OLFM3: variants seen among roughly 807,000 people sequenced by gnomAD.
OLFM3 encodes the protein noelin-3.
Under a neutral mutation model 48.6 loss-of-function variants are expected in OLFM3, and 20 were observed. The observed-to-expected ratio is 0.41, with a 90% CI of 0.29 to 0.60. The LOEUF (loss-of-function observed/expected upper bound fraction) is 0.60, where lower values mean the gene tolerates loss of function less well. Ranked by LOEUF, OLFM3 falls within the 20% of genes least tolerant of loss-of-function variation. The pLI is 0.28. For missense variants in OLFM3, 437 were observed against 544.3 expected, an observed-to-expected ratio of 0.80 and a Z score of 1.96; for synonymous variants, 222 against 198.1, an observed-to-expected ratio of 1.12 and a Z score of -1.01.
At chr1:101,938,489 T>C (rs1659690779) in intron 1 of OLFM3, among the ~76,000 whole-genome samples, 1 of 152,238 alleles carries the variant, frequency 6.6e-6, no homozygotes, top group South Asian at 2.1e-4. Flanking sequence ...CTTCTGATGT[T>C]CTACCTTGTG....
At chr1:101,915,567 T>C (rs2101032592) in intron 1 of OLFM3, among the ~76,000 whole-genome samples, 1 of 152,248 alleles carries the variant, frequency 6.6e-6, no homozygotes, top group African/African-American at 2.4e-5. Context: ...ATATCTCTCC[T>C]CTCTTAGTAG....
chr1:101,983,366 G>C (rs896275831), intron 1 of OLFM3, among the ~76,000 whole-genome samples: 4 of 152,050 alleles, frequency 2.6e-5, no homozygotes, highest in African/African-American at 9.7e-5. Context: ...TTCTGCTATA[G>C]GTCCCCCACT....
At chr1:101,949,389 T>C (rs1218524611) in intron 1 of OLFM3, among the ~76,000 whole-genome samples, 1 of 152,184 alleles carries the variant, frequency 6.6e-6, no homozygotes, top group African/African-American at 2.4e-5. Flanking sequence ...AAATATCACG[T>C]ACATGCTGAG....
At chr1:101,935,035 C>T (rs114607480) in intron 1 of OLFM3, among the ~76,000 whole-genome samples, 2,867 of 151,866 alleles carry the variant, frequency 0.019, 87 homozygotes, top group African/African-American at 0.065. Context: ...CTCAAATTAA[C>T]GACCTAACAT....
At chr1:101,806,003 A>G in intron 5 of OLFM3, 73 bp downstream of exon 5, 1 of 1,084,452 alleles carries the variant, frequency 9.2e-7, no homozygotes, top group South Asian at 1.5e-5. Flanking sequence ...CCTGAAGAAA[A>G]TGAATAGTCC....
chr1:101,853,461 C>A lies in OLFM3; in HGVS notation c.70-16436G>T, dbSNP rs184598947. The stretch of plus-strand genomic sequence containing the variant: ...TTTTTTTCTCCTTAGAACTAGGTAG[C>A]ATGCTATATATTATATTTATACATC... On this transcript the variant is annotated intron_variant, in intron 1 of 5. Coordinates refer to ENST00000370103, the MANE Select transcript of OLFM3 (RefSeq NM_058170.4). Among the ~76,000 whole-genome samples the A allele has an allele frequency of 8.5e-5, 13 of 152,120 alleles. No individual in the cohort carries two copies. The East Asian group carries it at 2.5e-3, about 29-fold the overall frequency.
At chr1:101,879,355 C>T (rs1355860006) in intron 1 of OLFM3, among the ~76,000 whole-genome samples, 2 of 151,858 alleles carry the variant, frequency 1.3e-5, no homozygotes, top group Admixed American at 1.3e-4. Flanking sequence ...ACCACTATCA[C>T]ATAAATGAGA....
intron 2 of OLFM3, among the ~76,000 whole-genome samples, chr1:101,831,674 T>A (rs1655157826): frequency 6.6e-6 from 1 of 152,168 alleles, no homozygotes; most frequent in African/African-American, 2.4e-5. Flanking sequence ...CTCTATGCTG[T>A]TAGTACTCAA....
intron 1 of OLFM3, among the ~76,000 whole-genome samples, chr1:101,872,097 G>A (rs1190511292): frequency 6.6e-6 from 1 of 151,996 alleles, no homozygotes; most frequent in African/African-American, 2.4e-5. Context: ...TGGTGTGTTT[G>A]AGAGGAAGGT....
chr1:101,938,627 A>C (rs1659694554), intron 1 of OLFM3, among the ~76,000 whole-genome samples: 1 of 152,202 alleles, frequency 6.6e-6, no homozygotes, highest in South Asian at 2.1e-4. Flanking sequence ...AAAGGAGAGA[A>C]GCTTTGGCTC....
chr1:101,817,832 T>G (rs548050736), intron 4 of OLFM3, among the ~76,000 whole-genome samples: 1 of 152,234 alleles, frequency 6.6e-6, no homozygotes, highest in East Asian at 1.9e-4. Context: ...TTTAGGTACT[T>G]AAAATAAGTT....
chr1:101,874,253 C>T (rs1657204207), intron 1 of OLFM3, among the ~76,000 whole-genome samples: 1 of 151,838 alleles, frequency 6.6e-6, no homozygotes, highest in Admixed American at 6.6e-5. Flanking sequence ...AGTAAATAGA[C>T]ACATGTCAAA....
intron 1 of OLFM3, among the ~76,000 whole-genome samples, chr1:101,848,501 C>A (rs1656098527): frequency 8.1e-6 from 1 of 123,904 alleles, no homozygotes; most frequent in South Asian, 2.3e-4. Flanking sequence ...AGCTTAGAAT[C>A]CAGGCCATTT....
At chr1:101,979,820 T>G (rs934262316) in intron 1 of OLFM3, among the ~76,000 whole-genome samples, 7 of 150,700 alleles carry the variant, frequency 4.6e-5, no homozygotes, top group Non-Finnish European at 8.9e-5. Flanking sequence ...CAACGGCTTG[T>G]ACTGTGCACC....
chr1:101,905,170 T>A (rs1054600049), intron 1 of OLFM3, among the ~76,000 whole-genome samples: 1 of 152,166 alleles, frequency 6.6e-6, no homozygotes, highest in African/African-American at 2.4e-5. Flanking sequence ...TACTTCTGTG[T>A]ACATTCTTGG....
intron 1 of OLFM3, among the ~76,000 whole-genome samples, chr1:101,890,444 T>G (rs1337539407): frequency 6.6e-6 from 1 of 151,948 alleles, no homozygotes; most frequent in African/African-American, 2.4e-5. Flanking sequence ...CAAGGAGTGA[T>G]ATTAGTTTCA....
intron 1 of OLFM3, among the ~76,000 whole-genome samples, chr1:101,869,726 T>C (rs758912092): frequency 6.6e-6 from 1 of 152,126 alleles, no homozygotes; most frequent in Non-Finnish European, 1.5e-5. Flanking sequence ...CAGTGGGAGG[T>C]AATTGAATCA....
At chr1:101,925,802 T>A (rs1241355890) in intron 1 of OLFM3, among the ~76,000 whole-genome samples, 1 of 152,118 alleles carries the variant, frequency 6.6e-6, no homozygotes, top group Non-Finnish European at 1.5e-5. Flanking sequence ...AGTGCTAAGA[T>A]TACAGGCATG....
intron 1 of OLFM3, among the ~76,000 whole-genome samples, chr1:101,936,886 G>C (rs947934171): frequency 7.2e-5 from 11 of 152,124 alleles, no homozygotes; most frequent in African/African-American, 2.7e-4. Context: ...AAATGGTGCT[G>C]CTGGTGGTAT....
Sources: gnomAD v4.1 joint callset for allele counts (sites outside exome capture counted in the v4.1 genomes callset) on GRCh38, gnomAD v4.1.1 for gene constraint, MANE v1.5 for transcripts, NCBI Gene and HGNC (gene_info 2026-07-23, HGNC 2026-07-21) for gene names.